The following PTBP3 variants were observed in gnomAD, a reference collection of about 807,000 sequenced individuals.
PTBP3 encodes the protein polypyrimidine tract-binding protein 3.
Under a neutral mutation model 58.7 loss-of-function variants are expected in PTBP3, and 20 were observed. The ratio of observed to expected loss-of-function variants is 0.34; its 90% CI spans 0.24 to 0.50. PTBP3 has a LOEUF of 0.50. PTBP3 is among the 20% of genes least tolerant of loss of function. The pLI, the probability that PTBP3 is intolerant of heterozygous loss-of-function variation, is 0.98. For missense variants in PTBP3, 509 were observed against 637.2 expected, an observed-to-expected ratio of 0.80 and a Z score of 2.17; for synonymous variants, 185 against 219.8, an observed-to-expected ratio of 0.84 and a Z score of 1.40.
chr9:112,224,223 C>G lies in PTBP3; in HGVS notation c.1365-13G>C. 1 of 1,491,128 alleles carries G rather than the reference C, an allele frequency of 6.7e-7. No homozygotes were observed. Among genetic ancestry groups the G allele is most frequent in the African/African-American group, 1.4e-5 (1 of 70,358 alleles). 92.4% of individuals were successfully genotyped at this position (1,491,128 alleles called of 1,614,324 possible). ...TGTAACAGAAGGGCTGTGAAAACAT[C>G]AGAGGGAGTCAACTACCTGGGCCGC... On this transcript the variant is annotated splice_polypyrimidine_tract_variant and intron_variant, in intron 12 of 13. Coordinates refer to ENST00000374257, the MANE Select transcript of PTBP3 (RefSeq NM_001163788.4).
chr9:112,347,727 A>C, the PTBP3 span, among the ~76,000 whole-genome samples: 1 of 152,210 alleles, frequency 6.6e-6, no homozygotes, highest in African/African-American at 2.4e-5. Flanking sequence ...ATACATATAC[A>C]TATGTATAGA....
chr9:112,296,325 G>A (rs1318291561), intron 2 of PTBP3, among the ~76,000 whole-genome samples: 2 of 151,882 alleles, frequency 1.3e-5, no homozygotes, highest in East Asian at 1.9e-4. Context: ...TCACAATTTC[G>A]TACCATTGTT....
chr9:112,284,361 T>C (rs915671130), intron 2 of PTBP3, among the ~76,000 whole-genome samples: 5 of 152,186 alleles, frequency 3.3e-5, no homozygotes, highest in African/African-American at 1.2e-4. Flanking sequence ...ATGCCCTAGA[T>C]GTGAGATGTG....
intron 7 of PTBP3, among the ~76,000 whole-genome samples, chr9:112,247,472 G>A (rs1421395752): frequency 1.3e-5 from 2 of 151,762 alleles, no homozygotes; most frequent in Non-Finnish European, 2.9e-5. Context: ...GGGAGGCTGA[G>A]GTGGGAGGAT....
At chr9:112,279,355 A>G (rs184954124) in intron 2 of PTBP3, among the ~76,000 whole-genome samples, 8 of 152,300 alleles carry the variant, frequency 5.3e-5, no homozygotes, top group Admixed American at 6.5e-5. Flanking sequence ...TGCCCACTAC[A>G]TATCAGTCAC....
At chr9:112,277,285 A>G (rs1259375656) in intron 2 of PTBP3, among the ~76,000 whole-genome samples, 1 of 152,182 alleles carries the variant, frequency 6.6e-6, no homozygotes, top group Non-Finnish European at 1.5e-5. Flanking sequence ...TATATAGCAA[A>G]TGCCTATGTC....
chr9:112,225,385 T>A (rs998073305), intron 12 of PTBP3, among the ~76,000 whole-genome samples: 3 of 152,122 alleles, frequency 2.0e-5, no homozygotes, highest in Admixed American at 1.3e-4. Context: ...CATAGAATAG[T>A]GGATACCAGG....
intron 3 of PTBP3, among the ~76,000 whole-genome samples, chr9:112,274,063 T>C (rs1827505433): frequency 6.6e-6 from 1 of 152,138 alleles, no homozygotes; most frequent in African/African-American, 2.4e-5. Context: ...CTATTCTCAG[T>C]AGTAGCAATT....
At chr9:112,290,699 TATATATATACACACACACAC>T (rs1303900198) in intron 2 of PTBP3, among the ~76,000 whole-genome samples, 775 of 64,594 alleles carry the variant, frequency 0.012, 12 homozygotes, top group Non-Finnish European at 0.016. Context: ...TATATATATA[TATATATATACACACACACAC>T]ACACACACAC....
intron 2 of PTBP3, among the ~76,000 whole-genome samples, chr9:112,297,160 T>C (rs1199417758): frequency 2.0e-5 from 3 of 152,210 alleles, no homozygotes; most frequent in Non-Finnish European, 4.4e-5. Flanking sequence ...TTAAAACGTA[T>C]CGTCTTATAC....
At chr9:112,236,368 A>G (rs1835438534) in intron 7 of PTBP3, among the ~76,000 whole-genome samples, 1 of 151,478 alleles carries the variant, frequency 6.6e-6, no homozygotes, top group Non-Finnish European at 1.5e-5. Context: ...TCTAGTGAGG[A>G]GTCTGAACAA....
At chr9:112,239,943 C>T (rs564183630) in intron 7 of PTBP3, among the ~76,000 whole-genome samples, 49 of 150,200 alleles carry the variant, frequency 3.3e-4, no homozygotes, top group African/African-American at 1.2e-3. Flanking sequence ...TCAAAGAAGG[C>T]AGATGAGAAA....
rs139807613 is a variant in PTBP3 at position 112,320,742 on chromosome 9, C to T, written c.-52+12728G>A. ...CAGTATACAGAAACAGACCCACTTA[C>T]GTATGGTAAGTTGATTTTCAAATAA... On this transcript the variant is annotated intron_variant, in intron 1 of 13. Transcript: ENST00000374257. Among the ~76,000 whole-genome samples, 26 of 152,254 alleles carry T rather than the reference C, an allele frequency of 1.7e-4. 1 individual carries two copies. In the East Asian group the frequency reaches 4.8e-3, roughly 28 times the overall value.
intron 4 of PTBP3, among the ~76,000 whole-genome samples, chr9:112,262,815 A>T (rs1234720487): frequency 2.6e-5 from 4 of 152,244 alleles, no homozygotes; most frequent in Non-Finnish European, 4.4e-5. Context: ...AGGTGCTTAA[A>T]TTTACTTGAA....
rs1836630280 is a variant in PTBP3, at chr9:112,262,316, CATT to C, written c.516+116_516+118del. On this transcript the variant is annotated intron_variant, in intron 5 of 13. Coordinates refer to ENST00000374257, the MANE Select transcript of PTBP3 (RefSeq NM_001163788.4). ...CTATGAAATTAGATGAAGTTTTTTT[CATT>C]ATTTAAACAAATATATCAACAAAAC... 6 of 854,928 alleles carry C rather than the reference CATT, an allele frequency of 7.0e-6. No individual in the cohort carries two copies. The African/African-American group carries it at 1.1e-4, about 15-fold the overall frequency. 53.0% of individuals were successfully genotyped at this position (854,928 alleles called of 1,614,324 possible).
intron 1 of PTBP3, among the ~76,000 whole-genome samples, chr9:112,329,462 A>T (rs1455376052): frequency 1.3e-5 from 2 of 152,220 alleles, no homozygotes; most frequent in Non-Finnish European, 2.9e-5. Context: ...AACTGAAATG[A>T]TTTATAACCT....
At chr9:112,274,474 G>A (rs1436785956) in intron 3 of PTBP3, among the ~76,000 whole-genome samples, 1 of 152,082 alleles carries the variant, frequency 6.6e-6, no homozygotes, top group Non-Finnish European at 1.5e-5. Context: ...AACTTGCAAA[G>A]AACTAAAGAA....
At chr9:112,307,776 T>A (rs964242966) in intron 1 of PTBP3, among the ~76,000 whole-genome samples, 1 of 152,254 alleles carries the variant, frequency 6.6e-6, no homozygotes, top group Admixed American at 6.5e-5. Flanking sequence ...AGAGTCACAC[T>A]ACTTTGTAAA....
At chr9:112,241,039 T>G (rs1166426980) in intron 7 of PTBP3, among the ~76,000 whole-genome samples, 1 of 152,140 alleles carries the variant, frequency 6.6e-6, no homozygotes, top group Non-Finnish European at 1.5e-5. Flanking sequence ...AAAATAAAAT[T>G]AAGAGTTTAT....
Sources: allele counts gnomAD v4.1 joint callset (sites outside exome capture counted in the v4.1 genomes callset), GRCh38; gene constraint gnomAD v4.1.1; transcripts MANE v1.5; gene names NCBI Gene and HGNC (gene_info 2026-07-23, HGNC 2026-07-21).